Variants in ANKH observed in about 807,000 individuals in gnomAD.
ANKH encodes the protein mineralization regulator ANKH.
ANKH carries 15 observed loss-of-function variants against 49.0 expected under a neutral mutation model. The observed-to-expected ratio is 0.31, with a 90% CI of 0.20 to 0.47. ANKH has a LOEUF of 0.47. Ranked by LOEUF, ANKH falls within the 20% of genes least tolerant of loss-of-function variation. ANKH has a pLI of 1.00. For missense variants in ANKH, 429 were observed against 652.0 expected (o/e 0.66, Z 3.72); for synonymous variants, 273 against 260.0 (o/e 1.05, Z -0.48).
At chr5:14,721,590 T>C (rs1448011661) in intron 8 of ANKH, among the ~76,000 whole-genome samples, 2 of 152,210 alleles carry the variant, frequency 1.3e-5, no homozygotes, top group East Asian at 3.8e-4. Context: ...CTTGCGTATA[T>C]AACTTAGGTA....
chr5:14,798,892 C>A (rs557484868), intron 1 of ANKH, among the ~76,000 whole-genome samples: 1 of 152,290 alleles, frequency 6.6e-6, no homozygotes, highest in East Asian at 1.9e-4. Context: ...GTGAAAGGAA[C>A]AGTCACACCT....
Position 14,711,271 on chromosome 5 carries a change from C to T in ANKH, c.1405G>A (p.Asp469Asn), listed in dbSNP as rs767207774. The T allele has an allele frequency of 8.7e-6, 14 of 1,614,146 alleles. No individual in the cohort carries two copies. The highest frequency in any genetic ancestry group is 1.7e-5 in the Admixed American group (1 of 60,018). Residue 469 changes from aspartate (D) to asparagine (N), a missense_variant, in exon 12 of 12, where the codon GAC (aspartate) becomes AAC (asparagine). By Grantham distance (23) the Asp-to-Asn change is conservative (BLOSUM62 1). This residue lies in a region of ANKH where 51 missense variants were observed against 36.7 expected (regional missense o/e 1.39). Transcript: ENST00000284268. ...GGAGGCATGTCTGTCATGGCAGAGT[C>T]TTCCCCCTCCGTGGCCGACTCATTC... The part of the protein sequence containing the change: ...MENESATEGE[D>N]SAMTDMPPTE...
chr5:14,871,276 TC>T, intron 1 of ANKH, 75 bp downstream of exon 1: 1 of 1,308,828 alleles, frequency 7.6e-7, no homozygotes, highest in Non-Finnish European at 1.1e-6. Context: ...AGCAGGTGAC[TC>T]CCCTCCGCCC....
chr5:14,774,129 C>T (rs903957976), intron 1 of ANKH, among the ~76,000 whole-genome samples: 1 of 152,172 alleles, frequency 6.6e-6, no homozygotes. Flanking sequence ...AACGTTTCCC[C>T]CAGTGTGTTC....
chr5:14,804,253 C>T (rs374176199), intron 1 of ANKH, among the ~76,000 whole-genome samples: 20 of 152,156 alleles, frequency 1.3e-4, no homozygotes, highest in Non-Finnish European at 2.2e-4. Flanking sequence ...CATTACTCAC[C>T]CCAGGTCACA....
chr5:14,850,319 A>G (rs1381618521), intron 1 of ANKH, among the ~76,000 whole-genome samples: 1 of 152,204 alleles, frequency 6.6e-6, no homozygotes, highest in East Asian at 1.9e-4. Flanking sequence ...TGTGTGTACC[A>G]AGGTATTGTG....
chr5:14,813,647 G>A (rs73050670), intron 1 of ANKH, among the ~76,000 whole-genome samples: 2,028 of 152,226 alleles, frequency 0.013, 40 homozygotes, highest in African/African-American at 0.045. Context: ...TGCCCACGGC[G>A]TCTATCAGAG....
intron 1 of ANKH, among the ~76,000 whole-genome samples, chr5:14,860,742 C>A (rs58467857): frequency 0.11 from 16,127 of 152,066 alleles, 1,212 homozygotes; most frequent in East Asian, 0.35. Flanking sequence ...TCCACTTAAA[C>A]GTTATATATA....
Position 14,804,327 on chromosome 5 carries a change from G to A in ANKH, c.97-35136C>T, listed in dbSNP as rs540101172. On this transcript the variant is annotated intron_variant, in intron 1 of 11. Transcript: ENST00000284268. ...TCCCCAGCTCTGCGCCTCCGTCTTC[G>A]GAGCAGCCCTCCCACCACACCATAA... Among the ~76,000 whole-genome samples, 24 of 152,270 alleles carry A rather than the reference G, an allele frequency of 1.6e-4. No individual in the cohort carries two copies. In the Middle Eastern group the frequency reaches 0.01, roughly 65 times the overall value.
At chr5:14,783,622 C>G (rs1022329579) in intron 1 of ANKH, among the ~76,000 whole-genome samples, 1 of 152,114 alleles carries the variant, frequency 6.6e-6, no homozygotes, top group African/African-American at 2.4e-5. Context: ...AACAGTGTCA[C>G]TGGTTGTAAC....
At chr5:14,829,966 C>A (rs913157691) in intron 1 of ANKH, among the ~76,000 whole-genome samples, 1 of 152,152 alleles carries the variant, frequency 6.6e-6, no homozygotes, top group African/African-American at 2.4e-5. Context: ...TATTCTATTT[C>A]TGATTCTGGT....
intron 8 of ANKH, among the ~76,000 whole-genome samples, chr5:14,740,381 A>G (rs1454698500): frequency 6.6e-6 from 1 of 152,186 alleles, no homozygotes; most frequent in African/African-American, 2.4e-5. Context: ...GGAACTATGG[A>G]AAAGCTTGGG....
intron 1 of ANKH, among the ~76,000 whole-genome samples, chr5:14,861,931 A>G (rs1735507023): frequency 6.6e-6 from 1 of 152,172 alleles, no homozygotes; most frequent in African/African-American, 2.4e-5. Flanking sequence ...CCTTCCCTGG[A>G]TGGACTTTAA....
intron 1 of ANKH, among the ~76,000 whole-genome samples, chr5:14,782,663 C>T (rs375112335): frequency 2.1e-4 from 32 of 152,238 alleles, no homozygotes; most frequent in South Asian, 1.0e-3. Flanking sequence ...ACAAGCATTA[C>T]GGCGCAGATG....
At chr5:14,835,306 A>G (rs1741621277) in intron 1 of ANKH, among the ~76,000 whole-genome samples, 1 of 152,202 alleles carries the variant, frequency 6.6e-6, no homozygotes, top group Admixed American at 6.5e-5. Flanking sequence ...GGTTAGTCAC[A>G]GGAATAACCT....
chr5:14,716,803 C>A lies in ANKH; in HGVS notation c.1044G>T (p.Val348=). The change falls in exon 9 of 12, where the codon GTG becomes GTT. Residue 348 remains valine (V), a synonymous_variant. Coordinates refer to ENST00000284268, the MANE Select transcript of ANKH (RefSeq NM_054027.6). ...TGATGTCTATCAAGATTTTCTCAGA[C>A]ACGTTGGGTGTCCAAAACATCACGA... ...LCFVMFWTPN[V]SEKILIDIIG... is the part of the protein sequence containing the mutation. 1 of 1,614,150 alleles carries A rather than the reference C, an allele frequency of 6.2e-7. No individual in the cohort carries two copies. Among genetic ancestry groups the A allele is most frequent in the Non-Finnish European group, 8.5e-7 (1 of 1,179,972 alleles).
chr5:14,809,958 G>A (rs1236066884), intron 1 of ANKH, among the ~76,000 whole-genome samples: 1 of 152,018 alleles, frequency 6.6e-6, no homozygotes, highest in Admixed American at 6.5e-5. Flanking sequence ...TAGTTTCTGG[G>A]CGCCAGCTGA....
At chr5:14,735,426 T>G (rs1024063742) in intron 8 of ANKH, among the ~76,000 whole-genome samples, 4 of 152,186 alleles carry the variant, frequency 2.6e-5, no homozygotes, top group Non-Finnish European at 4.4e-5. Context: ...AGTTGAATAG[T>G]TAGAAGTCTG....
chr5:14,871,237 C>T (rs895158489), intron 1 of ANKH, 115 bp downstream of exon 1: 2 of 913,600 alleles, frequency 2.2e-6, no homozygotes, highest in Middle Eastern at 2.1e-4. Context: ...CACACCCGAC[C>T]AAATGTTTCA....
Sources: allele counts gnomAD v4.1 joint callset (sites outside exome capture counted in the v4.1 genomes callset), GRCh38; gene constraint gnomAD v4.1.1; regional missense constraint gnomAD v4.1.1; transcripts MANE v1.5; gene names NCBI Gene and HGNC (gene_info 2026-07-23, HGNC 2026-07-21).